The following PPM1E variants were observed in gnomAD, a reference collection of about 807,000 sequenced individuals.
PPM1E encodes protein phosphatase, Mg2+/Mn2+ dependent 1E.
PPM1E carries 20 observed loss-of-function variants against 65.9 expected under a neutral mutation model. That is an observed-to-expected ratio of 0.30 (90% CI 0.21 to 0.44). The LOEUF is 0.44. PPM1E is among the 20% of genes least tolerant of loss of function. The probability of loss-of-function intolerance (pLI) is 1.00; values close to 1 mark genes in which losing one functional copy is unlikely to be tolerated. For synonymous variants in PPM1E, 352 were observed against 374.9 expected (o/e 0.94, Z 0.70); for missense variants, 713 against 953.1 (o/e 0.75, Z 3.32).
chr17:58,834,226 C>T (rs2050632461), intron 1 of PPM1E, among the ~76,000 whole-genome samples: 1 of 151,776 alleles, frequency 6.6e-6, no homozygotes, highest in Non-Finnish European at 1.5e-5. Context: ...GACTTGTTTG[C>T]CCACTTTTTA....
chr17:58,966,740 T>C (rs939693860), intron 3 of PPM1E: 1 of 153,156 alleles, frequency 6.5e-6, no homozygotes, highest in African/African-American at 2.4e-5. Context: ...AGGTTTGTTT[T>C]CTTTGCCTGT....
At chr17:58,814,231 G>A (rs2050395018) in intron 1 of PPM1E, among the ~76,000 whole-genome samples, 1 of 152,138 alleles carries the variant, frequency 6.6e-6, no homozygotes, top group African/African-American at 2.4e-5. Context: ...ATGGGAATAG[G>A]AGTGTGAAGA....
rs2051251331 is a variant in PPM1E at position 58,885,172 on chromosome 17, T to TCA, written c.465-70476_465-70475dup. Among the ~76,000 whole-genome samples, 4 of 152,178 alleles carry TCA rather than the reference T, an allele frequency of 2.6e-5. No homozygotes were observed. In the South Asian group the frequency reaches 8.3e-4, roughly 32 times the overall value. Reference sequence around the variant, plus strand: ...CCCAGGTTCAAGTGATTCTCTTGCCTCAGCCTCCTGAGTAGCTGGGATTAA... The same window carrying TCA: ...CCCAGGTTCAAGTGATTCTCTTGCCTCACAGCCTCCTGAGTAGCTGGGATTAA... On this transcript the variant is annotated intron_variant, in intron 1 of 6. Transcript: ENST00000308249.
chr17:58,787,646 C>T (rs963400946), intron 1 of PPM1E, among the ~76,000 whole-genome samples: 2 of 152,044 alleles, frequency 1.3e-5, no homozygotes, highest in African/African-American at 2.4e-5. Context: ...CGGTGGCTCA[C>T]ACCTGTAATC....
intron 1 of PPM1E, among the ~76,000 whole-genome samples, chr17:58,844,953 A>G (rs566472230): frequency 6.6e-6 from 1 of 152,316 alleles, no homozygotes; most frequent in Non-Finnish European, 1.5e-5. Flanking sequence ...CTTTTATTCA[A>G]GCATTATTGA....
intron 1 of PPM1E, among the ~76,000 whole-genome samples, chr17:58,873,179 TTGATA>T (rs1287863087): frequency 5.3e-5 from 8 of 152,334 alleles, no homozygotes; most frequent in East Asian, 1.9e-4. Flanking sequence ...TCTTTGTAAG[TTGATA>T]TGATTTATCT....
chr17:58,969,907 G>A (rs1354027273), intron 4 of PPM1E, among the ~76,000 whole-genome samples, 180 bp downstream of exon 4: 1 of 152,148 alleles, frequency 6.6e-6, no homozygotes, highest in Non-Finnish European at 1.5e-5. Flanking sequence ...AGAGTTTCAG[G>A]GGGTACAATG....
chr17:58,776,304 A>G (rs1405249259), intron 1 of PPM1E, among the ~76,000 whole-genome samples: 1 of 152,120 alleles, frequency 6.6e-6, no homozygotes, highest in Non-Finnish European at 1.5e-5. Flanking sequence ...TCCAGCCTGG[A>G]TGACAGAGGA....
At chr17:58,965,562 C>A (rs575926292) in intron 2 of PPM1E, 132 bp from the exon 3 acceptor site, 58 of 872,050 alleles carry the variant, frequency 6.7e-5, no homozygotes, top group Non-Finnish European at 1.0e-4. Flanking sequence ...TTTCATTTTT[C>A]TTGAGAAGGA....
intron 1 of PPM1E, among the ~76,000 whole-genome samples, chr17:58,944,316 A>G (rs1241513070): frequency 1.3e-5 from 2 of 152,218 alleles, no homozygotes; most frequent in Non-Finnish European, 2.9e-5. Flanking sequence ...AACCAGTCAT[A>G]GGTTTCTTTG....
intron 1 of PPM1E, among the ~76,000 whole-genome samples, chr17:58,939,124 T>G (rs115784518): frequency 0.018 from 2,793 of 152,234 alleles, 88 homozygotes; most frequent in African/African-American, 0.064. Context: ...GTTCCCATAA[T>G]GATTTAACAT....
At chr17:58,906,491 A>C (rs550312604) in intron 1 of PPM1E, among the ~76,000 whole-genome samples, 37 of 152,048 alleles carry the variant, frequency 2.4e-4, no homozygotes, top group African/African-American at 8.4e-4. Flanking sequence ...GGCGTGTGCC[A>C]CCTGTCCAGC....
At chr17:58,929,635 T>C (rs1345455150) in intron 1 of PPM1E, among the ~76,000 whole-genome samples, 1 of 152,134 alleles carries the variant, frequency 6.6e-6, no homozygotes, top group African/African-American at 2.4e-5. Flanking sequence ...TACTGTAAAA[T>C]CATTTTCATT....
chr17:58,859,625 T>A (rs1463383413), intron 1 of PPM1E, among the ~76,000 whole-genome samples: 1 of 152,246 alleles, frequency 6.6e-6, no homozygotes, highest in Non-Finnish European at 1.5e-5. Flanking sequence ...TCAGGCTACA[T>A]AGCTGCATCT....
chr17:58,891,283 AAATG>A, intron 1 of PPM1E, among the ~76,000 whole-genome samples: 1 of 152,254 alleles, frequency 6.6e-6, no homozygotes, highest in South Asian at 2.1e-4. Context: ...AATAAATTTT[AAATG>A]AATGAATCAA....
At chr17:58,772,198 C>A (rs2049945710) in intron 1 of PPM1E, among the ~76,000 whole-genome samples, 1 of 152,076 alleles carries the variant, frequency 6.6e-6, no homozygotes, top group Non-Finnish European at 1.5e-5. Context: ...GTGGCTCACG[C>A]CTGTAATCTC....
chr17:58,825,342 G>A (rs2050524840), intron 1 of PPM1E, among the ~76,000 whole-genome samples: 1 of 151,910 alleles, frequency 6.6e-6, no homozygotes, highest in Admixed American at 6.6e-5. Context: ...GGCTGAGACA[G>A]GAGGATCTTT....
At chr17:58,769,599 G>A (rs2049916546) in intron 1 of PPM1E, among the ~76,000 whole-genome samples, 1 of 152,100 alleles carries the variant, frequency 6.6e-6, no homozygotes, top group South Asian at 2.1e-4. Context: ...CTGAGTGATA[G>A]AGCCAGACCT....
chr17:58,828,290 T>C (rs1379293740), intron 1 of PPM1E, among the ~76,000 whole-genome samples: 6 of 152,070 alleles, frequency 3.9e-5, no homozygotes, highest in Non-Finnish European at 8.8e-5. Context: ...TAGTGTACTG[T>C]AAAGCATATA....
Sources: gnomAD v4.1 joint callset for allele counts (sites outside exome capture counted in the v4.1 genomes callset) on GRCh38, gnomAD v4.1.1 for gene constraint, MANE v1.5 for transcripts, NCBI Gene and HGNC (gene_info 2026-07-23, HGNC 2026-07-21) for gene names.